Variants in SLC2A9 observed in about 807,000 individuals in gnomAD.
SLC2A9 encodes the protein solute carrier family 2, facilitated glucose transporter member 9.
Under a neutral mutation model 50.6 loss-of-function variants are expected in SLC2A9, and 39 were observed. The observed-to-expected ratio is 0.77, with a 90% confidence interval of 0.60 to 1.01. The LOEUF is 1.01. Among genes scored for constraint, SLC2A9 ranks in the 50% least tolerant of loss-of-function variants. The pLI, the probability that SLC2A9 is intolerant of heterozygous loss-of-function variation, is 0.00. For missense variants in SLC2A9, 686 were observed against 677.6 expected, an observed-to-expected ratio of 1.01 and a Z score of -0.14; for synonymous variants, 324 against 276.9, an observed-to-expected ratio of 1.17 and a Z score of -1.69.
chr4:9,901,894 G>C (rs6829755), intron 8 of SLC2A9, among the ~76,000 whole-genome samples: 23,435 of 152,174 alleles, frequency 0.15, 2,098 homozygotes, highest in African/African-American at 0.24. Flanking sequence ...AAGAGAATGA[G>C]GCCAGGGGTT....
At chr4:9,901,084 T>C (rs551943624) in intron 8 of SLC2A9, among the ~76,000 whole-genome samples, 43 of 152,276 alleles carry the variant, frequency 2.8e-4, no homozygotes, top group African/African-American at 8.9e-4. Context: ...TGAAAAGCCA[T>C]TTAGCCTGAG....
At chr4:9,873,852 A>G (rs1187566725) in intron 10 of SLC2A9, among the ~76,000 whole-genome samples, 1 of 152,208 alleles carries the variant, frequency 6.6e-6, no homozygotes, top group African/African-American at 2.4e-5. Context: ...GCTAACCGAT[A>G]CAAATTCCTT....
In SLC2A9 at chr4:9,865,136, G is replaced by A. The variant is rs73092500; in HGVS notation, c.1291+22431C>T. 6.6e-3 allele frequency among the ~76,000 whole-genome samples: 1,007 copies of A among 152,344 alleles called. 14 individuals carry two copies. The highest frequency in any genetic ancestry group is 0.023 in the African/African-American group (950 of 41,582). ...TTCCAAAACACCAGGTTAGAACAGC[G>A]GTTCATAGCCAGGAGTGATTTTGCC... is the stretch of plus-strand genomic sequence containing the variant. On this transcript the variant is annotated intron_variant, in intron 10 of 11. Transcript: ENST00000264784.
intron 2 of SLC2A9, among the ~76,000 whole-genome samples, chr4:10,008,543 C>T (rs1257171710): frequency 1.3e-5 from 2 of 152,236 alleles, no homozygotes; most frequent in Non-Finnish European, 2.9e-5. Context: ...TGCTGTTAAA[C>T]ATCCTGGTGA....
intron 2 of SLC2A9, among the ~76,000 whole-genome samples, chr4:10,006,985 C>A (rs537093711): frequency 6.6e-6 from 1 of 151,986 alleles, no homozygotes; most frequent in Non-Finnish European, 1.5e-5. Context: ...GGGGATGAAG[C>A]GCGTCCCGTG....
chr4:9,912,095 A>T (rs1463943823), intron 7 of SLC2A9, among the ~76,000 whole-genome samples: 1 of 151,854 alleles, frequency 6.6e-6, no homozygotes, highest in African/African-American at 2.4e-5. Flanking sequence ...AACAATAAGA[A>T]CACATGGACA....
At chr4:9,909,665 CA>C (rs1209295178) in intron 7 of SLC2A9, among the ~76,000 whole-genome samples, 1 of 152,206 alleles carries the variant, frequency 6.6e-6, no homozygotes, top group African/African-American at 2.4e-5. Context: ...TGTCACTCTT[CA>C]GTATTCACTT....
intron 10 of SLC2A9, among the ~76,000 whole-genome samples, chr4:9,858,439 A>C (rs2109368492): frequency 6.6e-6 from 1 of 152,324 alleles, no homozygotes; most frequent in East Asian, 1.9e-4. Flanking sequence ...TTCCATGTTT[A>C]TCAGGGTTTT....
chr4:9,916,206 A>C (rs1742819224), intron 7 of SLC2A9, among the ~76,000 whole-genome samples: 1 of 152,160 alleles, frequency 6.6e-6, no homozygotes, highest in South Asian at 2.1e-4. Flanking sequence ...GGAAGGGAGG[A>C]GTACACAACG....
chr4:9,895,944 T>C (rs532474056), intron 8 of SLC2A9, among the ~76,000 whole-genome samples: 23 of 152,362 alleles, frequency 1.5e-4, no homozygotes, highest in African/African-American at 5.5e-4. Flanking sequence ...TTGTAGTACA[T>C]ATCAACAGTT....
At chr4:9,925,344 G>C (rs1744705901) in intron 6 of SLC2A9, among the ~76,000 whole-genome samples, 1 of 150,510 alleles carries the variant, frequency 6.6e-6, no homozygotes, top group Admixed American at 6.6e-5. Context: ...TCTCTCTTGT[G>C]CACTTTCACT....
intron 5 of SLC2A9, among the ~76,000 whole-genome samples, chr4:9,950,460 C>T (rs1251211178): frequency 6.6e-6 from 1 of 152,158 alleles, no homozygotes; most frequent in East Asian, 1.9e-4. Flanking sequence ...GTTTGGATGT[C>T]CTCTGCCTTG....
chr4:9,880,475 A>G, intron 10 of SLC2A9: 3 of 985,444 alleles, frequency 3.0e-6, no homozygotes, highest in Non-Finnish European at 3.6e-6. Context: ...TCTACAGTCA[A>G]AAGAAAGCCA....
chr4:10,020,182 G>A (rs1014790451), intron 1 of SLC2A9, among the ~76,000 whole-genome samples: 1 of 152,066 alleles, frequency 6.6e-6, no homozygotes, highest in African/African-American at 2.4e-5. Context: ...AAGGGAATGC[G>A]GGTCTCTTGA....
chr4:9,941,192 T>C (rs954688419), intron 6 of SLC2A9, among the ~76,000 whole-genome samples: 1 of 152,216 alleles, frequency 6.6e-6, no homozygotes, highest in Admixed American at 6.5e-5. Flanking sequence ...TTCTGCATTG[T>C]CTATCTCTAG....
In SLC2A9 at chr4:9,880,445, GC is replaced by G. The variant is rs982426047; in HGVS notation, c.1291+7121del. ...ACTGATGGGGAGCCCAGCATTTAAA[GC>G]CCTGGAAATGCAGCATGTTCTACAG... is the stretch of plus-strand genomic sequence containing the variant. On this transcript the variant is annotated intron_variant, in intron 10 of 11. Transcript: ENST00000264784. The G allele has an allele frequency of 6.5e-5, 64 of 985,242 alleles. No individual in the cohort carries two copies. The African/African-American group carries it at 1.1e-3, about 17-fold the overall frequency. The allele number at this position is 985,242 out of a possible 1,614,324, so 61.0% of individuals were successfully genotyped here.
intron 11 of SLC2A9, among the ~76,000 whole-genome samples, chr4:9,827,374 C>T (rs1245330640): frequency 6.6e-6 from 1 of 152,150 alleles, no homozygotes; most frequent in Admixed American, 6.5e-5. Flanking sequence ...GCCACCATTC[C>T]AGAAATAAAA....
chr4:10,004,916 C>G (rs957831192), intron 2 of SLC2A9, among the ~76,000 whole-genome samples: 8 of 152,222 alleles, frequency 5.3e-5, no homozygotes, highest in Non-Finnish European at 1.0e-4. Flanking sequence ...TAGGTAACCT[C>G]TAGGCCTGCT....
intron 5 of SLC2A9, among the ~76,000 whole-genome samples, chr4:9,978,838 T>C (rs11723970): frequency 0.42 from 64,541 of 152,172 alleles, 14,901 homozygotes; most frequent in Non-Finnish European, 0.52. Flanking sequence ...AAGTCACTTA[T>C]AATATCACAG....
Sources: gnomAD v4.1 joint callset for allele counts (sites outside exome capture counted in the v4.1 genomes callset) on GRCh38, gnomAD v4.1.1 for gene constraint, MANE v1.5 for transcripts, NCBI Gene and HGNC (gene_info 2026-07-23, HGNC 2026-07-21) for gene names.